Variants in ABCA13 observed in about 807,000 individuals in gnomAD.
ABCA13 encodes the protein ATP-binding cassette sub-family A member 13.
Under a neutral mutation model 478.7 loss-of-function variants are expected in ABCA13, and 476 were observed. The ratio of observed to expected loss-of-function variants is 0.99; its 90% CI spans 0.92 to 1.07. The LOEUF is 1.07. Ranked by LOEUF, ABCA13 falls within the 50% of genes least tolerant of loss-of-function variation. The pLI is 0.00. For missense variants in ABCA13, 6,060 were observed against 5,910.6 expected (o/e 1.03, Z -0.83); for synonymous variants, 2,252 against 2,158.9 (o/e 1.04, Z -1.20).
chr7:48,580,239 G>C lies in ABCA13; in HGVS notation c.14370G>C (p.Leu4790=). 6.2e-7 allele frequency: 1 copy of C among 1,610,884 alleles called. No individual in the cohort carries two copies. The highest frequency in any genetic ancestry group is 8.5e-7 in the Non-Finnish European group (1 of 1,178,770). The change falls in exon 56 of 62, where the codon CTG becomes CTC. Residue 4790 remains leucine (L), a synonymous_variant. Transcript: ENST00000435803. ...CTCTCTGCAGAGACGCCGTGGACCTGTCTTCTGCTGGCACGGCAGGCGTGC... is the reference window on the plus strand; with the variant it reads ...CTCTCTGCAGAGACGCCGTGGACCTCTCTTCTGCTGGCACGGCAGGCGTGC... ...IRTPMGDAVD[L]SSAGTAGVLI...
chr7:48,349,955 G>A (rs540050802), intron 29 of ABCA13, among the ~76,000 whole-genome samples: 10 of 152,286 alleles, frequency 6.6e-5, no homozygotes, highest in South Asian at 6.2e-4. Flanking sequence ...GCATTCCCAC[G>A]CTGCCTTGCT....
chr7:48,237,012 GTTTTT>G (rs35078208), intron 8 of ABCA13, among the ~76,000 whole-genome samples: 8 of 130,912 alleles, frequency 6.1e-5, no homozygotes, highest in Non-Finnish European at 9.5e-5. Context: ...AGAGGGTAGG[GTTTTT>G]TTTTTTTTTT....
At chr7:48,416,976 A>G (rs1183493847) in intron 41 of ABCA13, among the ~76,000 whole-genome samples, 2 of 151,656 alleles carry the variant, frequency 1.3e-5, no homozygotes, top group African/African-American at 4.9e-5. Context: ...CCCATTTCAC[A>G]ATATTTATCT....
At chr7:48,365,207 G>A (rs573238984) in intron 31 of ABCA13, among the ~76,000 whole-genome samples, 12 of 152,124 alleles carry the variant, frequency 7.9e-5, no homozygotes, top group East Asian at 5.8e-4. Flanking sequence ...ATTTGTGGTC[G>A]TTTATTTTTG....
chr7:48,408,556 T>G (rs995697777), intron 39 of ABCA13, among the ~76,000 whole-genome samples: 1 of 152,206 alleles, frequency 6.6e-6, no homozygotes, highest in African/African-American at 2.4e-5. Context: ...TTCCATAGTT[T>G]ATTTGTAAAT....
In ABCA13 at chr7:48,252,416, T is replaced by C. The variant is rs376452420; in HGVS notation, c.2005+3065T>C. Among the ~76,000 whole-genome samples the C allele has an allele frequency of 5.6e-3, 846 of 152,290 alleles. 8 individuals carry two copies. The highest frequency in any genetic ancestry group is 0.019 in the African/African-American group (808 of 41,568). On this transcript the variant is annotated intron_variant, in intron 15 of 61. Transcript: ENST00000435803. ...CAATTTTTCCATTGTTCAAACATCATAGAGTATATTTACACAAACCTAGAT... is the reference window on the plus strand; with the variant it reads ...CAATTTTTCCATTGTTCAAACATCACAGAGTATATTTACACAAACCTAGAT...
chr7:48,638,153 C>A (rs1794835657), intron 59 of ABCA13, among the ~76,000 whole-genome samples: 1 of 152,178 alleles, frequency 6.6e-6, no homozygotes, highest in East Asian at 1.9e-4. Flanking sequence ...GCACTCGTTA[C>A]ATCATGGAGA....
rs756550869 is a variant in ABCA13 at position 48,410,584 on chromosome 7, C to T, written c.12135C>T (p.Ala4045=). 20 of 1,613,918 alleles carry T rather than the reference C, an allele frequency of 1.2e-5. No individual in the cohort carries two copies. Among genetic ancestry groups the T allele is most frequent in the Middle Eastern group, 1.6e-4 (1 of 6,084 alleles). The change falls in exon 40 of 62, where the codon GCC becomes GCT. Residue 4045 remains alanine (A), a synonymous_variant. Coordinates refer to ENST00000435803, the MANE Select transcript of ABCA13 (RefSeq NM_152701.5). ...DEAEALSDRV[A]VLQHGRLRCC... is the part of the protein sequence containing the mutation. ...CTGAAGCGCTGAGTGACCGCGTGGC[C>T]GTCCTCCAGCATGGGAGGCTCAGGT...
intron 35 of ABCA13, among the ~76,000 whole-genome samples, chr7:48,383,428 C>T (rs373657700): frequency 6.6e-6 from 1 of 152,078 alleles, no homozygotes; most frequent in African/African-American, 2.4e-5. Flanking sequence ...GAGTCATGGC[C>T]CTAAGTTTGA....
Position 48,271,889 on chromosome 7 carries a change from G to A in ABCA13, c.2223G>A (p.Glu741=), listed in dbSNP as rs765349564. The A allele has an allele frequency of 6.2e-7, 1 of 1,612,178 alleles. No individual in the cohort carries two copies. The highest frequency in any genetic ancestry group is 8.5e-7 in the Non-Finnish European group (1 of 1,179,012). Residue 741 remains glutamate (E), a synonymous_variant, in exon 17 of 62, where the codon GAG becomes GAA. Coordinates refer to ENST00000435803, the MANE Select transcript of ABCA13 (RefSeq NM_152701.5). ...TTTTATCATTTGTGGAATTTTTTGA[G>A]AAATTATTGTTGCCTAATCTTTTTG... ...NFLLSFVEFF[E]KLLLPNLFDS...
At chr7:48,641,267 T>G (rs1239302198) in intron 59 of ABCA13, among the ~76,000 whole-genome samples, 1 of 152,226 alleles carries the variant, frequency 6.6e-6, no homozygotes, top group East Asian at 1.9e-4. Flanking sequence ...TACCATTGTA[T>G]TTTTATATAA....
intron 47 of ABCA13, among the ~76,000 whole-genome samples, chr7:48,483,792 C>T (rs1183669571): frequency 6.6e-6 from 1 of 152,154 alleles, no homozygotes; most frequent in Non-Finnish European, 1.5e-5. Flanking sequence ...GTCAACACTA[C>T]CTTAAAATGG....
chr7:48,315,506 G>A (rs919677751), intron 26 of ABCA13, among the ~76,000 whole-genome samples: 1 of 150,208 alleles, frequency 6.7e-6, no homozygotes, highest in Non-Finnish European at 1.5e-5. Flanking sequence ...TTGAGACGGA[G>A]TCTTGCCCTA....
chr7:48,248,086 T>A (rs1791975006), intron 13 of ABCA13, among the ~76,000 whole-genome samples, 153 bp from the exon 14 acceptor site: 1 of 152,250 alleles, frequency 6.6e-6, no homozygotes, highest in Non-Finnish European at 1.5e-5. Flanking sequence ...TCTAGAACTA[T>A]AACTTAGATA....
At chr7:48,232,913 A>G (rs1667384214) in intron 7 of ABCA13, among the ~76,000 whole-genome samples, 1 of 152,184 alleles carries the variant, frequency 6.6e-6, no homozygotes, top group African/African-American at 2.4e-5. Flanking sequence ...GGGGATAATT[A>G]CAGCACCTAC....
In ABCA13 at chr7:48,374,364, C is replaced by A. The variant is rs201955818; in HGVS notation, c.11151C>A (p.Thr3717=). The stretch of plus-strand genomic sequence containing the variant: ...GTGGGCAGTGCCTTCTTTCGACAAC[C>A]GCCTTTGGACAAGGGGTATTTTTTA... ...NQTFLCLLST[T]AFGQGVFFIT... Residue 3717 remains threonine, a synonymous_variant, in exon 34 of 62, where the codon ACC becomes ACA. Coordinates refer to ENST00000435803, the MANE Select transcript of ABCA13 (RefSeq NM_152701.5). The A allele has an allele frequency of 2.5e-6, 4 of 1,609,902 alleles. No homozygotes were observed. In the African/African-American group the frequency reaches 4.0e-5, roughly 16 times the overall value.
intron 27 of ABCA13, among the ~76,000 whole-genome samples, chr7:48,320,759 A>G (rs1803330229): frequency 2.0e-5 from 3 of 152,338 alleles, no homozygotes; most frequent in Middle Eastern, 3.4e-3. Context: ...TGGTGCACAA[A>G]GTAGGTTTAG....
intron 3 of ABCA13, among the ~76,000 whole-genome samples, chr7:48,207,918 T>A (rs1785132384): frequency 1.3e-5 from 2 of 152,200 alleles, no homozygotes; most frequent in South Asian, 4.1e-4. Flanking sequence ...TTTTATTCTA[T>A]TAGTTTCATA....
At chr7:48,486,325 A>G (rs1250398343) in intron 47 of ABCA13, among the ~76,000 whole-genome samples, 1 of 152,186 alleles carries the variant, frequency 6.6e-6, no homozygotes, top group Non-Finnish European at 1.5e-5. Context: ...ATGTCTTTCA[A>G]CATTCTCTCA....
Sources: allele counts gnomAD v4.1 joint callset (sites outside exome capture counted in the v4.1 genomes callset), GRCh38; gene constraint gnomAD v4.1.1; transcripts MANE v1.5; gene names NCBI Gene and HGNC (gene_info 2026-07-23, HGNC 2026-07-21).